DCC: variants seen among roughly 807,000 people sequenced by gnomAD.
The protein encoded by DCC is DCC netrin 1 receptor.
In DCC, 58 loss-of-function variants were observed where a neutral mutation model predicts 172.5. The observed-to-expected ratio is 0.34, with a 90% CI of 0.27 to 0.42. The LOEUF (loss-of-function observed/expected upper bound fraction) is 0.42, where lower values mean the gene tolerates loss of function less well. DCC is among the 10% of genes least tolerant of loss of function. DCC has a pLI of 1.00. For synonymous variants in DCC, 709 were observed against 644.5 expected (o/e 1.10, Z -1.52); for missense variants, 1,740 against 1,791.0 (o/e 0.97, Z 0.51).
chr18:52,358,954 C>G (rs1984499632), intron 1 of DCC, among the ~76,000 whole-genome samples: 1 of 152,214 alleles, frequency 6.6e-6, no homozygotes, highest in Non-Finnish European at 1.5e-5. Flanking sequence ...CTCTGTTAAA[C>G]TCTATCATAC....
chr18:53,530,375 C>T (rs951560831), intron 28 of DCC, 189 bp from the exon 29 acceptor site: 4 of 704,098 alleles, frequency 5.7e-6, no homozygotes, highest in African/African-American at 1.7e-5. Context: ...AAACAATATG[C>T]AATCTCTTAT....
At chr18:53,237,018 A>G (rs2056213219) in intron 12 of DCC, 1 of 151,948 alleles carries the variant, frequency 6.6e-6, no homozygotes, top group South Asian at 2.1e-4. Context: ...GTACTCTAAT[A>G]TGGTTCTTTT....
At chr18:52,650,938 A>C (rs2144923406) in intron 1 of DCC, among the ~76,000 whole-genome samples, 1 of 152,350 alleles carries the variant, frequency 6.6e-6, no homozygotes, top group East Asian at 1.9e-4. Context: ...AAAATACAAG[A>C]AGTACAAAGA....
At chr18:53,256,952 G>A (rs569622384) in intron 12 of DCC, among the ~76,000 whole-genome samples, 28 of 152,188 alleles carry the variant, frequency 1.8e-4, no homozygotes, top group African/African-American at 6.7e-4. Context: ...GTATTCCTAG[G>A]TATTTTATTC....
At chr18:53,279,393 A>C (rs1056080861) in intron 12 of DCC, among the ~76,000 whole-genome samples, 4 of 150,962 alleles carry the variant, frequency 2.6e-5, no homozygotes, top group African/African-American at 9.7e-5. Context: ...AAACTATCGC[A>C]AGGACAAAAA....
chr18:52,836,471 C>T (rs1311142882), intron 2 of DCC, among the ~76,000 whole-genome samples: 1 of 152,204 alleles, frequency 6.6e-6, no homozygotes, highest in East Asian at 1.9e-4. Flanking sequence ...TGGGTACAGG[C>T]ATTGGGTAAA....
intron 1 of DCC, among the ~76,000 whole-genome samples, chr18:52,664,476 C>CTTTTTTTTTTTT (rs374796439): frequency 8.9e-6 from 1 of 112,442 alleles, no homozygotes; most frequent in South Asian, 2.9e-4. Context: ...TTTTCTTTTT[C>CTTTTTTTTTTTT]TTTTTTTTTT....
At chr18:53,173,454 C>T (rs1359500858) in intron 8 of DCC, among the ~76,000 whole-genome samples, 1 of 152,068 alleles carries the variant, frequency 6.6e-6, no homozygotes, top group Admixed American at 6.6e-5. Context: ...CCTTGTTGTG[C>T]TACCATCACC....
At chr18:52,410,373 A>C in intron 1 of DCC, among the ~76,000 whole-genome samples, 1 of 152,180 alleles carries the variant, frequency 6.6e-6, no homozygotes, top group Non-Finnish European at 1.5e-5. Context: ...TTGAGGTCAC[A>C]GTGAACTATG....
intron 15 of DCC, among the ~76,000 whole-genome samples, chr18:53,344,732 C>A (rs571367347): frequency 6.6e-6 from 1 of 151,312 alleles, no homozygotes; most frequent in African/African-American, 2.4e-5. Context: ...AACCACCACA[C>A]CCAGCCTAAA....
chr18:53,157,791 C>A (rs1169577605), intron 8 of DCC, among the ~76,000 whole-genome samples: 2 of 152,164 alleles, frequency 1.3e-5, no homozygotes, highest in East Asian at 3.8e-4. Context: ...AAACAGAGAA[C>A]AGAATTAGGC....
chr18:52,825,853 T>A (rs1265491091), intron 2 of DCC, among the ~76,000 whole-genome samples: 1 of 152,212 alleles, frequency 6.6e-6, no homozygotes, highest in East Asian at 1.9e-4. Flanking sequence ...GACATATGGT[T>A]GGTTTCAAAT....
At chr18:52,392,768 G>A (rs1598779428) in intron 1 of DCC, among the ~76,000 whole-genome samples, 1 of 152,036 alleles carries the variant, frequency 6.6e-6, no homozygotes, top group South Asian at 2.1e-4. Context: ...GTTCATTTTG[G>A]TTTATAGAAA....
chr18:52,760,859 T>C (rs1428725957), intron 2 of DCC, among the ~76,000 whole-genome samples: 2 of 152,204 alleles, frequency 1.3e-5, no homozygotes, highest in African/African-American at 4.8e-5. Context: ...AATCTCAGTG[T>C]ATGGTACTTC....
intron 1 of DCC, among the ~76,000 whole-genome samples, chr18:52,729,341 C>A (rs932331637): frequency 1.3e-5 from 2 of 152,072 alleles, no homozygotes; most frequent in Non-Finnish European, 2.9e-5. Flanking sequence ...CTCATTGCAA[C>A]CTCTGCCTCC....
intron 1 of DCC, among the ~76,000 whole-genome samples, chr18:52,722,861 GGGTTATATTTTTC>G (rs1431484986): frequency 5.5e-4 from 84 of 152,244 alleles, no homozygotes; most frequent in African/African-American, 2.0e-3. Flanking sequence ...TCCTTTTGGT[GGGTTATATTTTTC>G]AGTAGCTTCT....
At chr18:53,420,098 G>A (rs142815158) in intron 21 of DCC, among the ~76,000 whole-genome samples, 120 of 152,128 alleles carry the variant, frequency 7.9e-4, no homozygotes, top group African/African-American at 2.7e-3. Flanking sequence ...CTTGTGATCC[G>A]CCTGTCTTGG....
intron 7 of DCC, among the ~76,000 whole-genome samples, chr18:53,103,082 T>TCA (rs2043196070): frequency 6.6e-6 from 1 of 152,092 alleles, no homozygotes; most frequent in Non-Finnish European, 1.5e-5. Context: ...CCCCATTCAT[T>TCA]TATGAATTCA....
intron 5 of DCC, among the ~76,000 whole-genome samples, chr18:52,938,826 A>T (rs971657165): frequency 6.6e-6 from 1 of 152,064 alleles, no homozygotes; most frequent in Non-Finnish European, 1.5e-5. Flanking sequence ...TATATTTCAA[A>T]TCTGTCCACT....
Sources: allele counts gnomAD v4.1 joint callset (sites outside exome capture counted in the v4.1 genomes callset), GRCh38; gene constraint gnomAD v4.1.1; transcripts MANE v1.5; gene names NCBI Gene and HGNC (gene_info 2026-07-23, HGNC 2026-07-21).